ENOX1: variants seen among roughly 807,000 people sequenced by gnomAD.
ENOX1 encodes ecto-NOX disulfide-thiol exchanger 1.
In ENOX1, 42 loss-of-function variants were observed where a neutral mutation model predicts 82.5. The ratio of observed to expected loss-of-function variants is 0.51; its 90% CI spans 0.40 to 0.66. ENOX1 has a LOEUF of 0.66. ENOX1 is among the 30% of genes least tolerant of loss of function. The pLI is 0.00. For synonymous variants in ENOX1, 271 were observed against 282.2 expected (o/e 0.96, Z 0.40); for missense variants, 608 against 811.6 (o/e 0.75, Z 3.05).
chr13:43,520,545 C>A (rs892265756), intron 2 of ENOX1, among the ~76,000 whole-genome samples: 6 of 152,130 alleles, frequency 3.9e-5, no homozygotes, highest in African/African-American at 1.4e-4. Flanking sequence ...GATATGATAT[C>A]ATCTTTCTTT....
At chr13:43,564,390 T>C (rs1314783233) in intron 2 of ENOX1, among the ~76,000 whole-genome samples, 1 of 151,978 alleles carries the variant, frequency 6.6e-6, no homozygotes, top group East Asian at 1.9e-4. Context: ...CCCATAAATA[T>C]ATACACTATG....
At chr13:43,369,262 C>T (rs1023068515) in intron 5 of ENOX1, among the ~76,000 whole-genome samples, 1 of 152,162 alleles carries the variant, frequency 6.6e-6, no homozygotes, top group East Asian at 1.9e-4. Flanking sequence ...CTTCCATGAA[C>T]TAAAATCCAC....
intron 2 of ENOX1, among the ~76,000 whole-genome samples, chr13:43,587,306 A>T (rs2081043130): frequency 6.6e-6 from 1 of 152,168 alleles, no homozygotes; most frequent in South Asian, 2.1e-4. Flanking sequence ...TTTACTTTCA[A>T]ATCATCCATT....
intron 13 of ENOX1, 115 bp downstream of exon 13, chr13:43,269,355 G>A (rs2044557555): frequency 1.2e-6 from 1 of 805,274 alleles, no homozygotes; most frequent in African/African-American, 1.7e-5. Context: ...ACAGGGTTCA[G>A]ACTAATTGTA....
At chr13:43,544,712 T>C (rs2078898570) in intron 2 of ENOX1, 1 of 152,102 alleles carries the variant, frequency 6.6e-6, no homozygotes, top group African/African-American at 2.4e-5. Context: ...TCCCAAATGA[T>C]CCAACTACAA....
intron 1 of ENOX1, among the ~76,000 whole-genome samples, chr13:43,745,511 A>G (rs1949976598): frequency 6.6e-6 from 1 of 152,220 alleles, no homozygotes; most frequent in South Asian, 2.1e-4. Context: ...GAACACATAC[A>G]CTATATTTTT....
chr13:43,326,015 C>A (rs892517586), intron 10 of ENOX1, among the ~76,000 whole-genome samples: 2 of 151,564 alleles, frequency 1.3e-5, no homozygotes, highest in Admixed American at 1.3e-4. Flanking sequence ...AAAATATGGA[C>A]GGAAAGGCGT....
chr13:43,221,751 T>C (rs2041801033), intron 16 of ENOX1, among the ~76,000 whole-genome samples: 1 of 152,190 alleles, frequency 6.6e-6, no homozygotes, highest in Admixed American at 6.5e-5. Context: ...TTTAAATTAA[T>C]TCCTTCCATT....
At chr13:43,620,044 G>C (rs1566650638) in intron 2 of ENOX1, among the ~76,000 whole-genome samples, 1 of 152,068 alleles carries the variant, frequency 6.6e-6, no homozygotes, top group African/African-American at 2.4e-5. Context: ...GTGTGTAAAG[G>C]TGTTCACAGT....
chr13:43,632,689 C>T (rs1425048799), intron 2 of ENOX1, among the ~76,000 whole-genome samples: 1 of 152,090 alleles, frequency 6.6e-6, no homozygotes, highest in Non-Finnish European at 1.5e-5. Flanking sequence ...TCAGGTGATC[C>T]ACCTGCCTCG....
At chr13:43,574,199 A>T (rs1324336317) in intron 2 of ENOX1, among the ~76,000 whole-genome samples, 2 of 152,258 alleles carry the variant, frequency 1.3e-5, no homozygotes, top group East Asian at 3.8e-4. Flanking sequence ...CTAATGCTGC[A>T]TATGACAGAC....
At chr13:43,285,868 C>T (rs2045672829) in intron 12 of ENOX1, among the ~76,000 whole-genome samples, 1 of 140,304 alleles carries the variant, frequency 7.1e-6, no homozygotes, top group South Asian at 2.3e-4. Flanking sequence ...CTTCTTTGTT[C>T]CAATGCTGTA....
intron 11 of ENOX1, among the ~76,000 whole-genome samples, chr13:43,320,180 T>C (rs1211196621): frequency 6.6e-6 from 1 of 152,244 alleles, no homozygotes; most frequent in Non-Finnish European, 1.5e-5. Context: ...GTTAGTTGCC[T>C]TCCTTTCCCT....
chr13:43,252,553 T>C (rs2043517548), intron 14 of ENOX1, among the ~76,000 whole-genome samples: 1 of 152,230 alleles, frequency 6.6e-6, no homozygotes, highest in Admixed American at 6.5e-5. Flanking sequence ...TAACAAAACA[T>C]GTGAATGTCT....
intron 3 of ENOX1, among the ~76,000 whole-genome samples, chr13:43,450,177 G>A (rs1594680073): frequency 2.0e-5 from 3 of 152,292 alleles, no homozygotes; most frequent in Admixed American, 6.5e-5. Flanking sequence ...TCTGGCTGAT[G>A]AGGTGGCTTA....
At chr13:43,444,351 T>C (rs1214301383) in intron 3 of ENOX1, among the ~76,000 whole-genome samples, 19 of 152,112 alleles carry the variant, frequency 1.2e-4, no homozygotes, top group Admixed American at 1.1e-3. Context: ...ATCACACTGG[T>C]GTGAGTGGAG....
At chr13:43,560,207 T>C (rs1041353629) in intron 2 of ENOX1, among the ~76,000 whole-genome samples, 2 of 152,218 alleles carry the variant, frequency 1.3e-5, no homozygotes, top group African/African-American at 4.8e-5. Context: ...TTAATGGCTA[T>C]TTTATGTACT....
chr13:43,273,467 C>T (rs2044815796), intron 12 of ENOX1, among the ~76,000 whole-genome samples: 1 of 152,192 alleles, frequency 6.6e-6, no homozygotes, highest in African/African-American at 2.4e-5. Flanking sequence ...ATGCCAGCTG[C>T]TTCCATGACT....
chr13:43,446,052 A>T (rs2056634106), intron 3 of ENOX1, among the ~76,000 whole-genome samples: 1 of 152,152 alleles, frequency 6.6e-6, no homozygotes, highest in Non-Finnish European at 1.5e-5. Context: ...CTTCTTCCTA[A>T]ATGCCAACCC....
Sources: allele counts gnomAD v4.1 joint callset (sites outside exome capture counted in the v4.1 genomes callset), GRCh38; gene constraint gnomAD v4.1.1; transcripts MANE v1.5; gene names NCBI Gene and HGNC (gene_info 2026-07-23, HGNC 2026-07-21).